The following CLASP2 variants were observed in gnomAD, a reference collection of about 807,000 sequenced individuals.
The protein encoded by CLASP2 is CLIP-associating protein 2.
CLASP2 carries 47 observed loss-of-function variants against 194.4 expected under a neutral mutation model. That is an observed-to-expected ratio of 0.24 (90% confidence interval 0.19 to 0.31). The LOEUF (loss-of-function observed/expected upper bound fraction) is 0.31, where lower values mean the gene tolerates loss of function less well. CLASP2 is among the 10% of genes least tolerant of loss of function. CLASP2 has a pLI of 1.00. For synonymous variants in CLASP2, 619 were observed against 633.5 expected (o/e 0.98, Z 0.34); for missense variants, 1,445 against 1,823.6 (o/e 0.79, Z 3.78).
At chr3:33,537,921 C>A (rs1050420375) in intron 33 of CLASP2, among the ~76,000 whole-genome samples, 1 of 152,140 alleles carries the variant, frequency 6.6e-6, no homozygotes, top group Admixed American at 6.5e-5. Flanking sequence ...GTGGGCAGAT[C>A]ACAAGGTCAG....
chr3:33,531,305 A>G (rs972337251), intron 34 of CLASP2, among the ~76,000 whole-genome samples: 2 of 152,234 alleles, frequency 1.3e-5, no homozygotes, highest in African/African-American at 4.8e-5. Flanking sequence ...ATATCTGACA[A>G]GATATTAATA....
At chr3:33,666,056 T>C (rs1189604504) in intron 6 of CLASP2, among the ~76,000 whole-genome samples, 1 of 152,130 alleles carries the variant, frequency 6.6e-6, no homozygotes, top group Non-Finnish European at 1.5e-5. Context: ...TTCTAACTCA[T>C]AGGGTAAGGA....
chr3:33,585,136 C>T (rs2154217267), intron 21 of CLASP2, among the ~76,000 whole-genome samples: 1 of 152,124 alleles, frequency 6.6e-6, no homozygotes, highest in East Asian at 1.9e-4. Context: ...GGTAAATCAT[C>T]TAAAATATAC....
At chr3:33,688,181 G>T in intron 4 of CLASP2, 96 bp downstream of exon 4, 1 of 802,680 alleles carries the variant, frequency 1.2e-6, no homozygotes, top group Middle Eastern at 3.1e-4. Context: ...AATTTTAAAT[G>T]TGTTATTACC....
intron 18 of CLASP2, among the ~76,000 whole-genome samples, chr3:33,602,066 T>G (rs1311119148): frequency 1.3e-5 from 2 of 150,914 alleles, no homozygotes; most frequent in South Asian, 2.1e-4. Flanking sequence ...CAGGCTGCAG[T>G]GCAATGGCAC....
chr3:33,636,575 C>A (rs1271971820), intron 8 of CLASP2, among the ~76,000 whole-genome samples: 2 of 152,076 alleles, frequency 1.3e-5, no homozygotes, highest in Non-Finnish European at 2.9e-5. Context: ...TATGAAAAGA[C>A]AGCTGGCTAA....
chr3:33,568,553 C>CAAAAAAAAAGAAAAAAA (rs2063171781), intron 26 of CLASP2, among the ~76,000 whole-genome samples: 1 of 56,844 alleles, frequency 1.8e-5, no homozygotes, highest in Non-Finnish European at 3.1e-5. Flanking sequence ...GATCTTGTCT[C>CAAAAAAAAAGAAAAAAA]AAAAAAAAAA....
intron 29 of CLASP2, among the ~76,000 whole-genome samples, chr3:33,557,760 T>C (rs1463671757): frequency 1.3e-5 from 2 of 152,202 alleles, no homozygotes; most frequent in Non-Finnish European, 2.9e-5. Context: ...CTTTTCAAAA[T>C]CAAACAGATG....
chr3:33,678,123 C>T (rs1197939052), intron 6 of CLASP2, among the ~76,000 whole-genome samples: 2 of 151,522 alleles, frequency 1.3e-5, no homozygotes, highest in East Asian at 1.9e-4. Flanking sequence ...AACTGTGGGG[C>T]ATCTATAAAA....
chr3:33,693,114 A>G (rs6770784), intron 2 of CLASP2, among the ~76,000 whole-genome samples: 30,616 of 151,910 alleles, frequency 0.2, 3,448 homozygotes, highest in Admixed American at 0.33. Flanking sequence ...TTGTTTGAAA[A>G]TTATATTTTT....
chr3:33,499,340 T>G (rs886957139), intron 38 of CLASP2, among the ~76,000 whole-genome samples: 31 of 146,844 alleles, frequency 2.1e-4, no homozygotes, highest in African/African-American at 7.2e-4. Context: ...AATTACTCAG[T>G]CTAGGGCAGT....
At chr3:33,534,485 T>G (rs2056955904) in intron 34 of CLASP2, among the ~76,000 whole-genome samples, 1 of 152,190 alleles carries the variant, frequency 6.6e-6, no homozygotes, top group Non-Finnish European at 1.5e-5. Context: ...GAGGATCGCT[T>G]GAGCCTACGA....
chr3:33,584,115 G>A (rs946965012), intron 22 of CLASP2, among the ~76,000 whole-genome samples: 1 of 152,044 alleles, frequency 6.6e-6, no homozygotes, highest in African/African-American at 2.4e-5. Flanking sequence ...ACTAGTATTT[G>A]AATAGGGCTG....
chr3:33,570,574 A>G (rs987326491), intron 26 of CLASP2, 153 bp downstream of exon 26: 6 of 941,544 alleles, frequency 6.4e-6, no homozygotes, highest in African/African-American at 1.7e-5. Flanking sequence ...ATTAATTTCT[A>G]AATTACGTAT....
At chr3:33,624,043 A>T (rs1176749671) in intron 10 of CLASP2, among the ~76,000 whole-genome samples, 1 of 152,178 alleles carries the variant, frequency 6.6e-6, no homozygotes, top group Non-Finnish European at 1.5e-5. Context: ...AAGAAAAATC[A>T]TTACTTTTTC....
intron 16 of CLASP2, among the ~76,000 whole-genome samples, chr3:33,604,998 A>T (rs1227373809): frequency 6.6e-6 from 1 of 152,234 alleles, no homozygotes; most frequent in Admixed American, 6.5e-5. Flanking sequence ...TATTTTTATA[A>T]GTGTCTCCCA....
At chr3:33,586,550 T>C (rs572663402) in intron 21 of CLASP2, among the ~76,000 whole-genome samples, 2 of 152,124 alleles carry the variant, frequency 1.3e-5, no homozygotes, top group Non-Finnish European at 2.9e-5. Flanking sequence ...TTTAAAAACA[T>C]GTTTTTAAAC....
At chr3:33,647,611 TACAC>T (rs2082484816) in intron 7 of CLASP2, among the ~76,000 whole-genome samples, 2 of 152,354 alleles carry the variant, frequency 1.3e-5, no homozygotes, top group Non-Finnish European at 2.9e-5. Flanking sequence ...AGCAGTTATA[TACAC>T]ACAATATGTA....
chr3:33,510,162 CT>C (rs2154087660), intron 37 of CLASP2, among the ~76,000 whole-genome samples: 1 of 152,070 alleles, frequency 6.6e-6, no homozygotes, highest in Non-Finnish European at 1.5e-5. Context: ...TATTATTCCA[CT>C]TATAAGGAAT....
Sources: gnomAD v4.1 joint callset for allele counts (sites outside exome capture counted in the v4.1 genomes callset) on GRCh38, gnomAD v4.1.1 for gene constraint, MANE v1.5 for transcripts, NCBI Gene and HGNC (gene_info 2026-07-23, HGNC 2026-07-21) for gene names.